Variants in MIS18BP1 observed in about 807,000 individuals in gnomAD.
MIS18BP1 encodes the protein mis18-binding protein 1.
MIS18BP1 carries 72 observed loss-of-function variants against 116.1 expected under a neutral mutation model. The ratio of observed to expected loss-of-function variants is 0.62; its 90% confidence interval spans 0.51 to 0.75. The LOEUF (loss-of-function observed/expected upper bound fraction) is 0.75. Ranked by LOEUF, MIS18BP1 falls within the 30% of genes least tolerant of loss-of-function variation. The pLI, the probability that MIS18BP1 is intolerant of heterozygous loss-of-function variation, is 0.00. For missense variants in MIS18BP1, 1,363 were observed against 1,303.2 expected, an observed-to-expected ratio of 1.05 and a Z score of -0.71; for synonymous variants, 386 against 427.0, an observed-to-expected ratio of 0.90 and a Z score of 1.18.
At chr14:45,232,638 T>C in intron 7 of MIS18BP1, 95 bp downstream of exon 7, 2 of 734,264 alleles carry the variant, frequency 2.7e-6, no homozygotes, top group Non-Finnish European at 4.6e-6. Context: ...CTATTAAAAA[T>C]ACAAAAATTA....
chr14:45,249,802 C>T (rs1482504993), intron 1 of MIS18BP1, among the ~76,000 whole-genome samples: 6 of 152,028 alleles, frequency 3.9e-5, no homozygotes, highest in African/African-American at 1.2e-4. Context: ...ACCTGGGAGG[C>T]GGAGGTTGCA....
chr14:45,235,222 A>AC (rs1891391424), intron 6 of MIS18BP1, among the ~76,000 whole-genome samples: 1 of 150,486 alleles, frequency 6.6e-6, no homozygotes, highest in African/African-American at 2.4e-5. Context: ...AAAAAAAAAA[A>AC]CAACCCCAAG....
chr14:45,245,631 C>T (rs1362685696), intron 2 of MIS18BP1, among the ~76,000 whole-genome samples: 1 of 152,080 alleles, frequency 6.6e-6, no homozygotes. Flanking sequence ...CTCAAAGTGA[C>T]GGGATTATGG....
intron 4 of MIS18BP1, among the ~76,000 whole-genome samples, chr14:45,239,027 T>C (rs946002545): frequency 2.6e-5 from 4 of 152,152 alleles, no homozygotes; most frequent in African/African-American, 9.7e-5. Context: ...CTTTTTGCCT[T>C]CTCCCACATT....
chr14:45,216,485 CT>C (rs1890821967), intron 13 of MIS18BP1, among the ~76,000 whole-genome samples: 1 of 152,166 alleles, frequency 6.6e-6, no homozygotes, highest in South Asian at 2.1e-4. Flanking sequence ...CTTATTCACA[CT>C]TTTCCTGTGA....
chr14:45,207,210 CTT>C (rs1398721303), intron 14 of MIS18BP1, among the ~76,000 whole-genome samples: 1 of 152,182 alleles, frequency 6.6e-6, no homozygotes, highest in Non-Finnish European at 1.5e-5. Flanking sequence ...CATACTCTCT[CTT>C]GGCTCTAAGA....
intron 13 of MIS18BP1, among the ~76,000 whole-genome samples, chr14:45,211,182 T>C (rs1213415095): frequency 1.3e-5 from 2 of 152,206 alleles, no homozygotes; most frequent in South Asian, 4.1e-4. Context: ...GCACATGTTT[T>C]TACCTAGACG....
chr14:45,214,612 G>C (rs968421275), intron 13 of MIS18BP1, among the ~76,000 whole-genome samples: 5 of 152,192 alleles, frequency 3.3e-5, no homozygotes, highest in African/African-American at 1.2e-4. Context: ...CTTTGTCTCT[G>C]TGTCTCTTTC....
Position 45,242,196 on chromosome 14 carries a change from A to G in MIS18BP1, c.981T>C (p.Pro327=), listed in dbSNP as rs1891596235. The G allele has an allele frequency of 6.2e-7, 1 of 1,614,006 alleles. No homozygotes were observed. ...KVKEGNGKTV[P]GETGLPGSMK... ...TGGAACCTGGAAGACCTGTCTCTCC[A>G]GGCACTGTTTTTCCATTTCCTTCCT... The change falls in exon 4 of 17, where the codon CCT becomes CCC. Residue 327 remains proline (P), a synonymous_variant. Coordinates refer to ENST00000310806, the MANE Select transcript of MIS18BP1 (RefSeq NM_018353.5).
In MIS18BP1 at chr14:45,224,712, A is replaced by C; in HGVS notation, c.1875T>G (p.Ile625Met). 1 of 1,600,302 alleles carries C rather than the reference A, an allele frequency of 6.2e-7. No homozygotes were observed. Among genetic ancestry groups the C allele is most frequent in the Middle Eastern group, 1.7e-4 (1 of 5,970 alleles). ...TTEELDVSID[I>M]LTSREQFFSD... ...AGAAAAACTGTTCCCTTGAGGTTAG[A>C]ATATCAATGGATACATCCAATTCTT... The change falls in exon 11 of 17, where the codon ATT (isoleucine) becomes ATG (methionine). Residue 625 changes from isoleucine to methionine, a missense_variant. Ile to Met is a conservative substitution (Grantham distance 10). Coordinates refer to ENST00000310806, the MANE Select transcript of MIS18BP1 (RefSeq NM_018353.5).
chr14:45,217,159 G>A lies in MIS18BP1; in HGVS notation c.2863C>T (p.Gln955Ter). 1.9e-6 allele frequency: 3 copies of A among 1,613,938 alleles called. No individual in the cohort carries two copies. The highest frequency in any genetic ancestry group is 2.5e-6 in the Non-Finnish European group (3 of 1,179,954). Residue 955 changes from glutamine to a stop codon, truncating the protein, a stop_gained, in exon 13 of 17, where the codon CAG (glutamine) becomes TAG (stop). Transcript: ENST00000310806. LOFTEE classifies it high-confidence loss of function. ...GCAGTTATCTTAATAGTTTGTTTCTGATCAGCATCACCTCTCTTGCCTTAA... is the reference window on the plus strand; with the variant it reads ...GCAGTTATCTTAATAGTTTGTTTCTAATCAGCATCACCTCTCTTGCCTTAA... ...GQNGKRGDAD[Q>*]KQTIKITAKV...
intron 1 of MIS18BP1, among the ~76,000 whole-genome samples, chr14:45,248,067 T>C (rs544153209): frequency 2.0e-5 from 3 of 149,602 alleles, no homozygotes; most frequent in South Asian, 2.1e-4. Context: ...TTTTTTTTTT[T>C]TTTTTTCTTT....
chr14:45,247,165 GGAGT>G lies in MIS18BP1; in HGVS notation c.118_121del (p.Thr40LeufsTer2). On this transcript the variant is annotated frameshift_variant, in exon 2 of 17. Coordinates refer to ENST00000310806, the MANE Select transcript of MIS18BP1 (RefSeq NM_018353.5). LOFTEE classifies it high-confidence loss of function. ...CTGATATTTCACCAAATCTTTTACAGGAGTAAGTGTGCCTGAAGGAATGCTGTCA... is the reference window on the plus strand; with the variant it reads ...CTGATATTTCACCAAATCTTTTACAGAAGTGTGCCTGAAGGAATGCTGTCA... 1 of 1,612,938 alleles carries G rather than the reference GGAGT, an allele frequency of 6.2e-7. No homozygotes were observed. The highest frequency in any genetic ancestry group is 1.1e-5 in the South Asian group (1 of 91,058).
rs1890437390 is a variant in MIS18BP1, at chr14:45,203,976, A to G, written c.*133T>C. ...AGGATATTTTACTTTGAACACAAAC[A>G]TATGAAACCTTCAAAAAAGTCCACA... On this transcript the variant is annotated 3_prime_UTR_variant, in exon 17 of 17. Coordinates refer to ENST00000310806, the MANE Select transcript of MIS18BP1 (RefSeq NM_018353.5). 7.5e-7 allele frequency: 1 copy of G among 1,330,134 alleles called. No individual in the cohort carries two copies. Among genetic ancestry groups the G allele is most frequent in the Non-Finnish European group, 1.0e-6 (1 of 994,912 alleles). The allele number at this position is 1,330,134 out of a possible 1,614,324, so 82.4% of individuals were successfully genotyped here.
At chr14:45,215,477 G>C (rs1198780237) in intron 13 of MIS18BP1, among the ~76,000 whole-genome samples, 2 of 151,966 alleles carry the variant, frequency 1.3e-5, no homozygotes, top group Admixed American at 1.3e-4. Context: ...CGCCAGGCTG[G>C]AGTGCAGTGG....
intron 5 of MIS18BP1, 113 bp downstream of exon 5, chr14:45,237,535 A>G: frequency 7.6e-7 from 1 of 1,319,628 alleles, no homozygotes; most frequent in Admixed American, 3.3e-5. Flanking sequence ...CCTTCAGTTC[A>G]TAACCTTGTT....
In MIS18BP1 at chr14:45,252,085, G is replaced by A. The variant is rs1407071338; in HGVS notation, c.-92+950C>T. Among the ~76,000 whole-genome samples the A allele has an allele frequency of 2.6e-5, 4 of 152,072 alleles. No individual in the cohort carries two copies. The East Asian group carries it at 7.7e-4, about 29-fold the overall frequency. On this transcript the variant is annotated intron_variant, in intron 1 of 16. Transcript: ENST00000310806. ...AAAAAGAGAAATTAAGGTATAAGGT[G>A]GTTAAGTAAGCTGCCCAAGGTCACT...
intron 6 of MIS18BP1, among the ~76,000 whole-genome samples, chr14:45,233,070 A>G (rs939704671): frequency 6.6e-6 from 1 of 152,224 alleles, no homozygotes; most frequent in African/African-American, 2.4e-5. Flanking sequence ...ATGGCTATGC[A>G]GGGACGGTGG....
chr14:45,227,920 T>A, intron 8 of MIS18BP1, 106 bp from the exon 9 acceptor site: 1 of 1,137,302 alleles, frequency 8.8e-7, no homozygotes, highest in South Asian at 1.5e-5. Flanking sequence ...CTCACGCCTG[T>A]AATCCCAGCA....
Sources: gnomAD v4.1 joint callset for allele counts (sites outside exome capture counted in the v4.1 genomes callset) on GRCh38, gnomAD v4.1.1 for gene constraint, MANE v1.5 for transcripts, NCBI Gene and HGNC (gene_info 2026-07-23, HGNC 2026-07-21) for gene names.